The following PPP3CA variants were observed in gnomAD, a reference collection of about 807,000 sequenced individuals.
PPP3CA encodes the protein protein phosphatase 3 catalytic subunit alpha.
A neutral mutation model predicts 66.5 loss-of-function variants in PPP3CA; 14 were observed. The observed-to-expected ratio is 0.21, with a 90% CI of 0.14 to 0.33. The LOEUF is 0.33. Ranked by LOEUF, PPP3CA falls within the 10% of genes least tolerant of loss-of-function variation. The probability of loss-of-function intolerance (pLI) is 1.00; values close to 1 mark genes in which losing one functional copy is unlikely to be tolerated. For synonymous variants in PPP3CA, 232 were observed against 226.2 expected (o/e 1.03, Z -0.23); for missense variants, 317 against 639.5 (o/e 0.50, Z 5.44).
intron 1 of PPP3CA, among the ~76,000 whole-genome samples, chr4:101,253,298 T>C (rs768090508): frequency 2.0e-5 from 3 of 152,140 alleles, no homozygotes; most frequent in African/African-American, 4.8e-5. Context: ...ACAAATTATA[T>C]GTGAGAAGCA....
At chr4:101,029,347 TAAAAAA>T (rs34620032) in intron 12 of PPP3CA, 152 bp from the exon 13 acceptor site, 340 of 79,474 alleles carry the variant, frequency 4.3e-3, no homozygotes, top group African/African-American at 0.022. Context: ...ACAGAAATGC[TAAAAAA>T]AAAAAAAAAA....
intron 1 of PPP3CA, among the ~76,000 whole-genome samples, chr4:101,218,943 A>G (rs561164279): frequency 6.6e-6 from 1 of 152,228 alleles, no homozygotes; most frequent in South Asian, 2.1e-4. Flanking sequence ...ACTTCTTCCC[A>G]GCACAAATAA....
intron 3 of PPP3CA, among the ~76,000 whole-genome samples, chr4:101,101,561 T>C (rs976240994): frequency 2.0e-5 from 3 of 152,192 alleles, no homozygotes; most frequent in Non-Finnish European, 4.4e-5. Flanking sequence ...GAAATTGCTA[T>C]TTTGAATATA....
At chr4:101,262,962 G>T (rs990645583) in intron 1 of PPP3CA, among the ~76,000 whole-genome samples, 1 of 152,094 alleles carries the variant, frequency 6.6e-6, no homozygotes, top group Non-Finnish European at 1.5e-5. Context: ...GCACTCAACT[G>T]GAGAGAAACA....
chr4:101,312,252 T>C (rs1446701635), intron 1 of PPP3CA, among the ~76,000 whole-genome samples: 1 of 152,112 alleles, frequency 6.6e-6, no homozygotes, highest in African/African-American at 2.4e-5. Flanking sequence ...TATATTCAAT[T>C]TCATTTTCAT....
At position 101,051,565 on chromosome 4, in the gene PPP3CA, G is replaced by A. The variant is rs114065064; in HGVS notation, c.1156+9522C>T. On this transcript the variant is annotated intron_variant, in intron 10 of 13. Transcript: ENST00000394854. Reference sequence around the variant, plus strand: ...TACTTACTACAGGCCTTTCTACAAAGAATGCCTCTTTCACATGCCAATTAT... The same window carrying A: ...TACTTACTACAGGCCTTTCTACAAAAAATGCCTCTTTCACATGCCAATTAT... 6.9e-3 allele frequency among the ~76,000 whole-genome samples: 1,050 copies of A among 152,230 alleles called. 11 individuals carry two copies. The highest frequency in any genetic ancestry group is 0.024 in the African/African-American group (1,014 of 41,556).
intron 2 of PPP3CA, among the ~76,000 whole-genome samples, chr4:101,174,263 AATTGGCTCTTTTG>A (rs1198971832): frequency 1.3e-5 from 2 of 152,136 alleles, no homozygotes; most frequent in Non-Finnish European, 2.9e-5. Flanking sequence ...TATTGCTTAA[AATTGGCTCTTTTG>A]AAACATGAAC....
chr4:101,247,099 CT>C (rs1275673373), intron 1 of PPP3CA, among the ~76,000 whole-genome samples: 1 of 152,038 alleles, frequency 6.6e-6, no homozygotes. Context: ...AACATAAAGT[CT>C]TTTTAATGCC....
At chr4:101,209,894 T>G (rs1578556675) in intron 1 of PPP3CA, among the ~76,000 whole-genome samples, 1 of 151,982 alleles carries the variant, frequency 6.6e-6, no homozygotes, top group African/African-American at 2.4e-5. Flanking sequence ...AGAGAACACA[T>G]AGAACACAAA....
At chr4:101,080,241 A>G (rs925689454) in intron 8 of PPP3CA, among the ~76,000 whole-genome samples, 6 of 152,122 alleles carry the variant, frequency 3.9e-5, no homozygotes, top group African/African-American at 1.4e-4. Flanking sequence ...GATTATTTCC[A>G]ATTATTATTT....
chr4:101,077,769 C>A (rs960623600), intron 8 of PPP3CA, among the ~76,000 whole-genome samples: 6 of 151,090 alleles, frequency 4.0e-5, no homozygotes, highest in Non-Finnish European at 8.8e-5. Flanking sequence ...ACCCCAAAGG[C>A]AAGAACACAG....
intron 2 of PPP3CA, among the ~76,000 whole-genome samples, chr4:101,165,734 A>G (rs562821186): frequency 6.6e-6 from 1 of 152,318 alleles, no homozygotes; most frequent in African/African-American, 2.4e-5. Flanking sequence ...TAGGTAATTT[A>G]CATGAAAATA....
In PPP3CA at chr4:101,069,619, A is replaced by G. The variant is rs544283630; in HGVS notation, c.956-6262T>C. Among the ~76,000 whole-genome samples the G allele has an allele frequency of 9.2e-5, 14 of 152,286 alleles. No individual in the cohort carries two copies. The East Asian group carries it at 2.7e-3, about 29-fold the overall frequency. On this transcript the variant is annotated intron_variant, in intron 8 of 13. Coordinates refer to ENST00000394854, the MANE Select transcript of PPP3CA (RefSeq NM_000944.5). The stretch of plus-strand genomic sequence containing the variant: ...GTGTGTGTACTGTTGAGCACTGAAC[A>G]ATGCAGTTTTGAACTGCATGGGTCC...
chr4:101,174,234 A>G (rs145283563), intron 2 of PPP3CA, among the ~76,000 whole-genome samples: 117 of 152,282 alleles, frequency 7.7e-4, no homozygotes, highest in Non-Finnish European at 1.5e-3. Flanking sequence ...GTTTTTATCA[A>G]TAAGATTGTC....
At chr4:101,223,740 T>A (rs1725696962) in intron 1 of PPP3CA, among the ~76,000 whole-genome samples, 1 of 151,874 alleles carries the variant, frequency 6.6e-6, no homozygotes, top group African/African-American at 2.4e-5. Flanking sequence ...GAAAACTTCA[T>A]AACTTCAGTG....
chr4:101,336,058 CA>C (rs1693651453), intron 1 of PPP3CA, among the ~76,000 whole-genome samples: 2 of 151,306 alleles, frequency 1.3e-5, no homozygotes, highest in Non-Finnish European at 2.9e-5. Context: ...TACACACACA[CA>C]CAAAAATTAG....
chr4:101,126,321 C>A (rs1035720539), intron 2 of PPP3CA, among the ~76,000 whole-genome samples: 1 of 152,096 alleles, frequency 6.6e-6, no homozygotes, highest in Non-Finnish European at 1.5e-5. Context: ...GGAAATGAAA[C>A]AACTATATAA....
intron 8 of PPP3CA, 42 bp from the exon 9 acceptor site, chr4:101,063,399 T>C: frequency 1.9e-6 from 3 of 1,583,946 alleles, no homozygotes; most frequent in Non-Finnish European, 2.6e-6. Flanking sequence ...ACAGAACATA[T>C]TTCTGCTTCT....
intron 1 of PPP3CA, among the ~76,000 whole-genome samples, chr4:101,342,878 C>T (rs922351486): frequency 9.2e-5 from 14 of 152,156 alleles, no homozygotes; most frequent in Non-Finnish European, 5.9e-5. Context: ...TCTCACCCAG[C>T]TAGAAATACT....
Sources: gnomAD v4.1 joint callset for allele counts (sites outside exome capture counted in the v4.1 genomes callset) on GRCh38, gnomAD v4.1.1 for gene constraint, MANE v1.5 for transcripts, NCBI Gene and HGNC (gene_info 2026-07-23, HGNC 2026-07-21) for gene names.